Variants in STAT3 observed in about 807,000 individuals in gnomAD.
STAT3 encodes signal transducer and activator of transcription 3.
Under a neutral mutation model 114.3 loss-of-function variants are expected in STAT3, and 7 were observed. That is an observed-to-expected ratio of 0.06 (90% CI 0.03 to 0.11). STAT3 has a LOEUF of 0.11. STAT3 is among the 10% of genes least tolerant of loss of function. The pLI is 1.00. For synonymous variants in STAT3, 331 were observed against 354.5 expected (o/e 0.93, Z 0.74); for missense variants, 364 against 960.9 (o/e 0.38, Z 8.21).
intron 1 of STAT3, among the ~76,000 whole-genome samples, chr17:42,378,454 C>G (rs1424963798): frequency 8.5e-5 from 13 of 152,104 alleles, no homozygotes; most frequent in Non-Finnish European, 1.9e-4. Context: ...ACCAAGTCGG[C>G]AAGGATGGTC....
In STAT3 at chr17:42,337,666, G is replaced by C; in HGVS notation, c.646-80C>G. The C allele has an allele frequency of 6.2e-7, 1 of 1,613,770 alleles. No homozygotes were observed. ...ACATTCTTTAGTCAACTCCAGAGCAGGAACTTCTTAGAAACCAAGCAAGTT... is the reference window on the plus strand; with the variant it reads ...ACATTCTTTAGTCAACTCCAGAGCACGAACTTCTTAGAAACCAAGCAAGTT... On this transcript the variant is annotated intron_variant, in intron 7 of 23. Coordinates refer to ENST00000264657, the MANE Select transcript of STAT3 (RefSeq NM_139276.3). The surrounding 1 kb of genome is among the most constrained non-coding windows in gnomAD (Gnocchi z 4.0).
chr17:42,357,985 A>G (rs1238213900), intron 1 of STAT3, among the ~76,000 whole-genome samples: 4 of 152,246 alleles, frequency 2.6e-5, no homozygotes, highest in Non-Finnish European at 5.9e-5. Flanking sequence ...TAATTACTGT[A>G]ATGTTCAATT....
intron 8 of STAT3, among the ~76,000 whole-genome samples, chr17:42,334,880 C>T (rs1200288881): frequency 6.6e-6 from 1 of 152,146 alleles, no homozygotes; most frequent in Non-Finnish European, 1.5e-5. Flanking sequence ...TGGAAAATGA[C>T]AAGCATCTGA....
At chr17:42,382,289 T>C (rs2084843328) in intron 1 of STAT3, among the ~76,000 whole-genome samples, 1 of 152,248 alleles carries the variant, frequency 6.6e-6, no homozygotes, top group African/African-American at 2.4e-5. Flanking sequence ...CCAGGCACTA[T>C]GCTAAGCATT....
chr17:42,370,642 T>C (rs1394312632), intron 1 of STAT3, among the ~76,000 whole-genome samples: 1 of 151,692 alleles, frequency 6.6e-6, no homozygotes, highest in Non-Finnish European at 1.5e-5. Context: ...GTTTTTTTTT[T>C]TAAGAGACAG....
At chr17:42,340,442 G>T (rs1194224441) in intron 4 of STAT3, among the ~76,000 whole-genome samples, 1 of 151,686 alleles carries the variant, frequency 6.6e-6, no homozygotes, top group African/African-American at 2.4e-5. Context: ...CAAGGCAGGA[G>T]GATCACTTGA....
At chr17:42,374,755 G>A (rs1036609876) in intron 1 of STAT3, among the ~76,000 whole-genome samples, 8 of 152,220 alleles carry the variant, frequency 5.3e-5, no homozygotes, top group African/African-American at 1.9e-4. Flanking sequence ...TACAGATAAG[G>A]ACAGAAATGT....
At chr17:42,325,111 C>A (rs759892436) in intron 15 of STAT3, 50 bp from the exon 16 acceptor site, 2 of 1,554,084 alleles carry the variant, frequency 1.3e-6, no homozygotes, top group Admixed American at 1.7e-5. Context: ...GCTCTCACAG[C>A]CTTGGAAATC....
intron 1 of STAT3, among the ~76,000 whole-genome samples, chr17:42,355,713 A>G (rs1396561010): frequency 1.3e-5 from 2 of 152,222 alleles, no homozygotes; most frequent in Admixed American, 1.3e-4. Flanking sequence ...GATGACTGAA[A>G]AAGTCTGTCC....
At chr17:42,383,231 AT>A (rs1362051732) in intron 1 of STAT3, among the ~76,000 whole-genome samples, 1 of 151,828 alleles carries the variant, frequency 6.6e-6, no homozygotes, top group Admixed American at 6.6e-5. Context: ...TAATTTTTGT[AT>A]TTTTAGTAGA....
Position 42,337,064 on chromosome 17 carries a change from C to T in STAT3, c.797+371G>A, listed in dbSNP as rs572034602. On this transcript the variant is annotated intron_variant, in intron 8 of 23. Coordinates refer to ENST00000264657, the MANE Select transcript of STAT3 (RefSeq NM_139276.3). This position sits in a 1 kb window ranked among gnomAD's most constrained non-coding sequence, Gnocchi z 4.0. The stretch of plus-strand genomic sequence containing the variant: ...TAAGATCTCCGCTCACTGCAACTTC[C>T]ATATCCCAGGTTCAAGTGATTCTCC... 1.4e-4 allele frequency among the ~76,000 whole-genome samples: 21 copies of T among 152,210 alleles called. No homozygotes were observed. In the South Asian group the frequency reaches 4.4e-3, roughly 32 times the overall value.
intron 1 of STAT3, among the ~76,000 whole-genome samples, chr17:42,370,195 G>A (rs992898743): frequency 4.7e-5 from 7 of 149,848 alleles, no homozygotes; most frequent in African/African-American, 1.5e-4. Flanking sequence ...CAAGTGATCC[G>A]CCCACCTTGG....
At chr17:42,386,232 G>T (rs1431273482) in intron 1 of STAT3, among the ~76,000 whole-genome samples, 1 of 147,364 alleles carries the variant, frequency 6.8e-6, no homozygotes, top group Non-Finnish European at 1.5e-5. Flanking sequence ...AGTGAGCCAA[G>T]ATTGCGCCAC....
intron 8 of STAT3, among the ~76,000 whole-genome samples, chr17:42,335,133 T>C (rs1298555778): frequency 6.6e-6 from 1 of 151,734 alleles, no homozygotes; most frequent in Non-Finnish European, 1.5e-5. Context: ...TTCTTTCTTT[T>C]TTTTTTTTTG....
At position 42,384,132 on chromosome 17, in the gene STAT3, A is replaced by ATTTAT. The variant is rs1555581274; in HGVS notation, c.-24+4146_-24+4147insATAAA. On this transcript the variant is annotated intron_variant, in intron 1 of 23. Transcript: ENST00000264657. Reference sequence around the variant, plus strand: ...GTTTTATTTATTTATTTATTTATTTATTTTTTTTTTTTTTGAGACGGAGTC... The same window carrying ATTTAT: ...GTTTTATTTATTTATTTATTTATTTATTTATTTTTTTTTTTTTTTGAGACGGAGTC... Among the ~76,000 whole-genome samples, 24 of 134,970 alleles carry ATTTAT rather than the reference A, an allele frequency of 1.8e-4. No individual in the cohort carries two copies. The East Asian group carries it at 1.9e-3, about 11-fold the overall frequency. The allele number at this position is 134,970 out of a possible 152,430, so 88.5% of individuals were successfully genotyped here.
rs544144042 is a variant in STAT3, at chr17:42,337,695, C to A, written c.645+68G>T. ...CTTCTTAGAAACCAAGCAAGTTCTG[C>A]CACAAGACGCTGAAATCCCGCAAGT... On this transcript the variant is annotated intron_variant, in intron 7 of 23. Transcript: ENST00000264657. The surrounding 1 kb of genome is among the most constrained non-coding windows in gnomAD (Gnocchi z 4.0). 5 of 1,613,298 alleles carry A rather than the reference C, an allele frequency of 3.1e-6. No individual in the cohort carries two copies. The highest frequency in any genetic ancestry group is 4.2e-6 in the Non-Finnish European group (5 of 1,179,428).
chr17:42,377,031 T>A (rs150171440), intron 1 of STAT3, among the ~76,000 whole-genome samples: 2 of 152,170 alleles, frequency 1.3e-5, no homozygotes, highest in Non-Finnish European at 2.9e-5. Flanking sequence ...TAAAAATATA[T>A]GTGTACAGAT....
chr17:42,375,612 T>C (rs1457428189), intron 1 of STAT3, among the ~76,000 whole-genome samples: 2 of 151,760 alleles, frequency 1.3e-5, no homozygotes, highest in African/African-American at 2.4e-5. Context: ...GCAGATCTCC[T>C]GAGGTTGGGA....
Position 42,323,246 on chromosome 17 carries a change from T to A in STAT3, c.1748+14A>T. 6.2e-7 allele frequency: 1 copy of A among 1,614,204 alleles called. No individual in the cohort carries two copies. Among genetic ancestry groups the A allele is most frequent in the Non-Finnish European group, 8.5e-7 (1 of 1,180,022 alleles). The stretch of plus-strand genomic sequence containing the variant: ...GGGACTTGGTTACATCTGTGCACAC[T>A]CTGTCCAACCTACCCTTCGTTCCAA... On this transcript the variant is annotated intron_variant, in intron 19 of 23. Coordinates refer to ENST00000264657, the MANE Select transcript of STAT3 (RefSeq NM_139276.3).
Sources: allele counts gnomAD v4.1 joint callset (sites outside exome capture counted in the v4.1 genomes callset), GRCh38; gene constraint gnomAD v4.1.1; non-coding constraint Gnocchi (gnomAD v3.1); transcripts MANE v1.5; gene names NCBI Gene and HGNC (gene_info 2026-07-23, HGNC 2026-07-21).